COMMD1: variants seen among roughly 807,000 people sequenced by gnomAD.
COMMD1 encodes copper metabolism domain containing 1.
In COMMD1, 10 loss-of-function variants were observed where a neutral mutation model predicts 17.2. The observed-to-expected ratio is 0.58, with a 90% CI of 0.36 to 0.99. The LOEUF is 0.99. Ranked by LOEUF, COMMD1 falls within the 50% of genes least tolerant of loss-of-function variation. COMMD1 has a pLI of 0.01. For missense variants in COMMD1, 270 were observed against 231.8 expected, an observed-to-expected ratio of 1.17 and a Z score of -1.07; for synonymous variants, 97 against 91.6, an observed-to-expected ratio of 1.06 and a Z score of -0.34.
intron 1 of COMMD1, among the ~76,000 whole-genome samples, chr2:61,896,417 C>A (rs1385828202): frequency 6.6e-6 from 1 of 151,702 alleles, no homozygotes; most frequent in Admixed American, 6.6e-5. Context: ...GAGATCCTGT[C>A]TCTAAAAAAA....
intron 2 of COMMD1, among the ~76,000 whole-genome samples, chr2:62,012,930 A>G (rs1452721541): frequency 6.6e-6 from 1 of 152,172 alleles, no homozygotes. Flanking sequence ...TTGAATGACA[A>G]GAAGGAGGCA....
chr2:61,941,130 C>A (rs1170951599), intron 1 of COMMD1, among the ~76,000 whole-genome samples: 1 of 151,960 alleles, frequency 6.6e-6, no homozygotes, highest in Non-Finnish European at 1.5e-5. Flanking sequence ...CGGGTTCAAG[C>A]AATTCTCCTG....
At position 62,052,397 on chromosome 2, in the gene COMMD1, T is replaced by C. The variant is rs1343087667; in HGVS notation, c.462+51415T>C. Among the ~76,000 whole-genome samples, 3 of 151,742 alleles carry C rather than the reference T, an allele frequency of 2.0e-5. No homozygotes were observed. The South Asian group carries it at 6.3e-4, about 32-fold the overall frequency. Reference sequence around the variant, plus strand: ...AGTTTATTTCTCTTTTATGTAAAAGTCCGGAGATAGGCTCTGTCCCACGTA... The same window carrying C: ...AGTTTATTTCTCTTTTATGTAAAAGCCCGGAGATAGGCTCTGTCCCACGTA... On this transcript the variant is annotated intron_variant, in intron 2 of 2. Transcript: ENST00000311832.
At chr2:62,072,565 G>A (rs1018105874) in intron 2 of COMMD1, among the ~76,000 whole-genome samples, 2 of 152,178 alleles carry the variant, frequency 1.3e-5, no homozygotes, top group Admixed American at 6.5e-5. Context: ...AACCTGGGAC[G>A]TGCCGAAGGG....
intron 1 of COMMD1, among the ~76,000 whole-genome samples, chr2:61,898,126 G>A (rs1438599091): frequency 1.3e-5 from 2 of 152,164 alleles, no homozygotes; most frequent in African/African-American, 4.8e-5. Context: ...GGCAGAGACA[G>A]TCATTCATTT....
intron 1 of COMMD1, among the ~76,000 whole-genome samples, chr2:61,973,520 T>G (rs936264087): frequency 1.3e-5 from 2 of 152,214 alleles, no homozygotes; most frequent in South Asian, 2.1e-4. Context: ...TTTCGCTTAT[T>G]TATCATTTGG....
chr2:62,016,993 G>T (rs956469094), intron 2 of COMMD1, among the ~76,000 whole-genome samples: 7 of 152,166 alleles, frequency 4.6e-5, no homozygotes, highest in Non-Finnish European at 1.0e-4. Context: ...CTGATAAGTT[G>T]TAAATTTATC....
At chr2:61,911,020 T>A (rs908690615) in intron 1 of COMMD1, among the ~76,000 whole-genome samples, 1 of 150,358 alleles carries the variant, frequency 6.7e-6, no homozygotes, top group Non-Finnish European at 1.5e-5. Flanking sequence ...GAGGCGGAGG[T>A]CGTGGTGAGC....
intron 1 of COMMD1, among the ~76,000 whole-genome samples, chr2:61,969,853 A>G (rs183224770): frequency 1.3e-5 from 2 of 152,254 alleles, no homozygotes; most frequent in East Asian, 1.9e-4. Context: ...AGAAATAACT[A>G]TCCTTTATTC....
intron 2 of COMMD1, among the ~76,000 whole-genome samples, chr2:62,001,708 TAATC>T (rs1470483402): frequency 6.6e-6 from 1 of 152,208 alleles, no homozygotes; most frequent in Non-Finnish European, 1.5e-5. Flanking sequence ...TTCAGATAAA[TAATC>T]AAATAAGTGC....
chr2:61,933,772 C>CTTT (rs61702772), intron 1 of COMMD1, among the ~76,000 whole-genome samples: 1 of 148,586 alleles, frequency 6.7e-6, no homozygotes. Context: ...TTCTTTTTTT[C>CTTT]TTTTTTTTGA....
intron 1 of COMMD1, among the ~76,000 whole-genome samples, chr2:61,953,947 C>T (rs867221056): frequency 8.6e-5 from 13 of 151,892 alleles, no homozygotes; most frequent in Non-Finnish European, 1.5e-4. Context: ...AGGCCGGGTG[C>T]GGTGGCTCAT....
chr2:62,028,273 T>C (rs189498176), intron 2 of COMMD1, among the ~76,000 whole-genome samples: 1 of 152,200 alleles, frequency 6.6e-6, no homozygotes, highest in East Asian at 1.9e-4. Flanking sequence ...CTTTTTTCAA[T>C]ATAAAAGGAA....
At chr2:62,065,138 C>G (rs976860272) in intron 2 of COMMD1, among the ~76,000 whole-genome samples, 11 of 152,096 alleles carry the variant, frequency 7.2e-5, no homozygotes, top group Admixed American at 2.0e-4. Context: ...GATTGTGCCA[C>G]TGCACTCCAG....
intron 1 of COMMD1, among the ~76,000 whole-genome samples, chr2:61,911,153 CTA>C (rs1669896187): frequency 6.7e-6 from 1 of 149,898 alleles, no homozygotes. Flanking sequence ...TTCATATACT[CTA>C]GTACTCATTT....
chr2:62,057,999 A>T (rs971559744), intron 2 of COMMD1, among the ~76,000 whole-genome samples: 1 of 152,102 alleles, frequency 6.6e-6, no homozygotes, highest in Non-Finnish European at 1.5e-5. Flanking sequence ...ATTACGTTAA[A>T]TTTCCAAATA....
chr2:61,972,281 G>A (rs57295217), intron 1 of COMMD1, among the ~76,000 whole-genome samples: 4,316 of 152,236 alleles, frequency 0.028, 94 homozygotes, highest in East Asian at 0.091. Flanking sequence ...TAATTATACT[G>A]CTGCTATTAT....
chr2:61,958,054 G>T (rs1015745604), intron 1 of COMMD1, among the ~76,000 whole-genome samples: 2 of 152,136 alleles, frequency 1.3e-5, no homozygotes, highest in African/African-American at 2.4e-5. Flanking sequence ...AAGTTCAGGG[G>T]TACATGTGCA....
At chr2:62,054,716 G>A (rs1016094536) in intron 2 of COMMD1, among the ~76,000 whole-genome samples, 13 of 152,124 alleles carry the variant, frequency 8.5e-5, no homozygotes, top group Admixed American at 3.3e-4. Flanking sequence ...AAAGGAAGTC[G>A]CAGTGGAGGA....
Sources: gnomAD v4.1 joint callset for allele counts (sites outside exome capture counted in the v4.1 genomes callset) on GRCh38, gnomAD v4.1.1 for gene constraint, MANE v1.5 for transcripts, NCBI Gene and HGNC (gene_info 2026-07-23, HGNC 2026-07-21) for gene names.